COL8A1: variants seen among roughly 807,000 people sequenced by gnomAD.
The protein encoded by COL8A1 is collagen alpha-1(VIII) chain.
COL8A1 carries 21 observed loss-of-function variants against 42.7 expected under a neutral mutation model. The observed-to-expected ratio is 0.49, with a 90% CI of 0.35 to 0.71. The LOEUF (loss-of-function observed/expected upper bound fraction) is 0.71, where lower values mean the gene tolerates loss of function less well. Among genes scored for constraint, COL8A1 ranks in the 30% least tolerant of loss-of-function variants. The pLI is 0.01. For missense variants in COL8A1, 788 were observed against 962.4 expected (o/e 0.82, Z 2.40); for synonymous variants, 367 against 369.1 (o/e 0.99, Z 0.06).
chr3:99,754,751 G>A (rs1941220818), intron 2 of COL8A1, among the ~76,000 whole-genome samples: 1 of 152,070 alleles, frequency 6.6e-6, no homozygotes, highest in Non-Finnish European at 1.5e-5. Flanking sequence ...TCTTACCAGA[G>A]ATCTTCTTGG....
intron 2 of COL8A1, among the ~76,000 whole-genome samples, chr3:99,755,752 G>C (rs1250326860): frequency 6.6e-6 from 1 of 152,220 alleles, no homozygotes; most frequent in Admixed American, 6.5e-5. Context: ...CTGAGAACCA[G>C]TTTGGCTTGT....
In COL8A1 at chr3:99,795,376, G is replaced by A. The variant is rs895853318; in HGVS notation, c.1475G>A (p.Gly492Asp). ...KGEPGIPGDQ[G>D]LQGPPGIPGI... ...GAGCCAGGAATCCCAGGGGATCAGG[G>A]TTTACAGGGCCCCCCAGGTATCCCA... Residue 492 changes from glycine (G) to aspartate (D), a missense_variant, in exon 4 of 4, where the codon GGT becomes GAT. Gly to Asp is a moderately conservative substitution (Grantham distance 94, BLOSUM62 -1). This residue lies in a region of COL8A1 where 154 missense variants were observed against 182.3 expected (regional missense o/e 0.84). Coordinates refer to ENST00000652472, the MANE Select transcript of COL8A1 (RefSeq NM_020351.4). 1.3e-6 allele frequency: 2 copies of A among 1,573,498 alleles called. No individual in the cohort carries two copies. The highest frequency in any genetic ancestry group is 1.7e-6 in the Non-Finnish European group (2 of 1,158,766).
chr3:99,744,078 G>A (rs1360548763), intron 1 of COL8A1, among the ~76,000 whole-genome samples: 4 of 151,970 alleles, frequency 2.6e-5, no homozygotes, highest in East Asian at 1.9e-4. Flanking sequence ...ACAGGCACCC[G>A]CCACCACACC....
chr3:99,758,935 T>C (rs1941312232), intron 2 of COL8A1, among the ~76,000 whole-genome samples: 1 of 152,138 alleles, frequency 6.6e-6, no homozygotes, highest in Admixed American at 6.5e-5. Flanking sequence ...TTAGTCCTTA[T>C]AATAAAGGAC....
In COL8A1 at chr3:99,764,862, T is replaced by G. The variant is rs1016219573; in HGVS notation, c.-4+19841T>G. Among the ~76,000 whole-genome samples, 3 of 152,034 alleles carry G rather than the reference T, an allele frequency of 2.0e-5. No individual in the cohort carries two copies. In the East Asian group the frequency reaches 5.8e-4, roughly 29 times the overall value. On this transcript the variant is annotated intron_variant, in intron 2 of 3. Transcript: ENST00000652472. ...CTTAAATCAATTAATCAATGTAAAG[T>G]GCTTTTAACAGTGTCTGGCCAATAG...
intron 1 of COL8A1, chr3:99,675,718 A>G (rs1938673034): frequency 6.6e-6 from 1 of 152,474 alleles, no homozygotes; most frequent in Non-Finnish European, 1.5e-5. Context: ...AAGACAACTG[A>G]AAGGTAATAT....
intron 2 of COL8A1, among the ~76,000 whole-genome samples, chr3:99,772,647 G>T (rs1168383616): frequency 6.6e-6 from 1 of 152,114 alleles, no homozygotes; most frequent in African/African-American, 2.4e-5. Context: ...GAAATTAAGT[G>T]ATACACGGCA....
intron 1 of COL8A1, among the ~76,000 whole-genome samples, chr3:99,740,195 G>A (rs537300567): frequency 6.6e-6 from 1 of 152,324 alleles, no homozygotes; most frequent in East Asian, 1.9e-4. Flanking sequence ...CAAGTCTCTA[G>A]GAAGTTCCAA....
At chr3:99,752,945 G>C (rs190108159) in intron 2 of COL8A1, among the ~76,000 whole-genome samples, 81 of 152,152 alleles carry the variant, frequency 5.3e-4, no homozygotes, top group African/African-American at 1.8e-3. Flanking sequence ...CCTGGAGCCC[G>C]GCTCTGCCAC....
chr3:99,716,030 C>A (rs1939984883), intron 1 of COL8A1, among the ~76,000 whole-genome samples: 1 of 151,968 alleles, frequency 6.6e-6, no homozygotes, highest in Non-Finnish European at 1.5e-5. Context: ...AGTGGTATAA[C>A]CCTTTTCGTC....
chr3:99,692,104 CTT>C (rs1939237446), intron 1 of COL8A1, among the ~76,000 whole-genome samples: 1 of 152,100 alleles, frequency 6.6e-6, no homozygotes, highest in Non-Finnish European at 1.5e-5. Context: ...TTACTCTCCT[CTT>C]TCCTCTGTCT....
intron 1 of COL8A1, among the ~76,000 whole-genome samples, chr3:99,666,507 GC>G (rs1938372504): frequency 6.6e-6 from 1 of 152,208 alleles, no homozygotes; most frequent in African/African-American, 2.4e-5. Flanking sequence ...ATATGGTTTT[GC>G]TTTCACATTC....
At chr3:99,728,934 C>T (rs570462972) in intron 1 of COL8A1, among the ~76,000 whole-genome samples, 1 of 151,920 alleles carries the variant, frequency 6.6e-6, no homozygotes, top group African/African-American at 2.4e-5. Flanking sequence ...CTTTTCCTGA[C>T]CTCTGTTATT....
chr3:99,650,311 T>C (rs1025927462), intron 1 of COL8A1, among the ~76,000 whole-genome samples: 2 of 152,230 alleles, frequency 1.3e-5, no homozygotes, highest in African/African-American at 4.8e-5. Flanking sequence ...CTATGCACTG[T>C]ATTGAATAAG....
intron 1 of COL8A1, among the ~76,000 whole-genome samples, chr3:99,680,927 G>T (rs886421488): frequency 2.6e-5 from 4 of 152,000 alleles, no homozygotes; most frequent in African/African-American, 9.7e-5. Context: ...AGAAAAACTG[G>T]CTAGCCATAT....
chr3:99,711,387 GT>G (rs1316945821), intron 1 of COL8A1, among the ~76,000 whole-genome samples: 1 of 152,132 alleles, frequency 6.6e-6, no homozygotes, highest in Non-Finnish European at 1.5e-5. Context: ...ATGATTAATT[GT>G]TTTGTTTTCA....
chr3:99,797,132 TCTC>T lies in COL8A1; in HGVS notation c.*1002_*1004del, dbSNP rs1278474138. 6.6e-6 allele frequency: 1 copy of T among 152,192 alleles called. No homozygotes were observed. The highest frequency in any genetic ancestry group is 1.5e-5 in the Non-Finnish European group (1 of 68,036). 9.4% of individuals were successfully genotyped at this position (152,192 alleles called of 1,614,324 possible). A position where few individuals can be genotyped will look rare whatever the true frequency, so the allele number is the denominator to read the frequency against. ...GTTATGCTTATATAGCATTAAAAAT[TCTC>T]CTCCTTTGACTACACACACAACCAC... On this transcript the variant is annotated 3_prime_UTR_variant, in exon 4 of 4. Transcript: ENST00000652472.
At chr3:99,683,985 T>C (rs1938970383) in intron 1 of COL8A1, among the ~76,000 whole-genome samples, 1 of 152,146 alleles carries the variant, frequency 6.6e-6, no homozygotes, top group Admixed American at 6.5e-5. Flanking sequence ...GTTTGTTTGT[T>C]TTGTTCAGTT....
intron 1 of COL8A1, among the ~76,000 whole-genome samples, chr3:99,715,812 GA>G (rs1255506503): frequency 6.6e-6 from 1 of 151,956 alleles, no homozygotes; most frequent in Non-Finnish European, 1.5e-5. Flanking sequence ...TCGCAAGTGG[GA>G]ATACTAAAGT....
Sources: gnomAD v4.1 joint callset for allele counts (sites outside exome capture counted in the v4.1 genomes callset) on GRCh38, gnomAD v4.1.1 for gene constraint, gnomAD v4.1.1 regional missense constraint, MANE v1.5 for transcripts, NCBI Gene and HGNC (gene_info 2026-07-23, HGNC 2026-07-21) for gene names.